The following KMT2E variants were observed in gnomAD, a reference collection of about 807,000 sequenced individuals.
KMT2E encodes the protein lysine methyltransferase 2E (inactive).
Under a neutral mutation model 184.6 loss-of-function variants are expected in KMT2E, and 30 were observed. The observed-to-expected ratio is 0.16, with a 90% CI of 0.12 to 0.22. KMT2E has a LOEUF of 0.22. Among genes scored for constraint, KMT2E ranks in the 10% least tolerant of loss-of-function variants. KMT2E has a pLI of 1.00. For synonymous variants in KMT2E, 815 were observed against 776.5 expected (o/e 1.05, Z -0.82); for missense variants, 2,023 against 2,237.4 (o/e 0.90, Z 1.93).
intron 1 of KMT2E, among the ~76,000 whole-genome samples, chr7:105,016,085 A>G (rs1177391975): frequency 1.3e-5 from 2 of 152,242 alleles, no homozygotes; most frequent in African/African-American, 2.4e-5. Context: ...AGTATCATCT[A>G]TTTTATATGA....
rs181526361 is a variant in KMT2E, at chr7:105,111,692, T to G, written c.4069-133T>G. The G allele has an allele frequency of 3.7e-6, 4 of 1,067,316 alleles. No individual in the cohort carries two copies. The African/African-American group carries it at 4.8e-5, about 13-fold the overall frequency. 66.1% of individuals were successfully genotyped at this position (1,067,316 alleles called of 1,614,324 possible). ...CTTTTAACATCCCAAGCCTCCATAATTGACGTATCCAGGATGTTATTTCCT... is the reference window on the plus strand; with the variant it reads ...CTTTTAACATCCCAAGCCTCCATAAGTGACGTATCCAGGATGTTATTTCCT... On this transcript the variant is annotated intron_variant, in intron 26 of 26. Transcript: ENST00000311117.
intron 6 of KMT2E, among the ~76,000 whole-genome samples, chr7:105,067,086 A>C (rs977347415): frequency 1.4e-4 from 20 of 140,894 alleles, no homozygotes; most frequent in Non-Finnish European, 3.0e-4. Flanking sequence ...AAAAAAAAAG[A>C]AAAAGAAAAA....
chr7:105,064,356 G>A (rs965218855), intron 5 of KMT2E, among the ~76,000 whole-genome samples: 4 of 151,736 alleles, frequency 2.6e-5, no homozygotes, highest in African/African-American at 9.7e-5. Flanking sequence ...CCTGGGTCTG[G>A]TCATTATGGT....
chr7:105,091,101 A>G (rs2129568911), intron 14 of KMT2E, 115 bp from the exon 15 acceptor site: 1 of 512,946 alleles, frequency 1.9e-6, no homozygotes, highest in African/African-American at 1.9e-5. Context: ...AATAATTTAA[A>G]TAGGCTGTGT....
intron 3 of KMT2E, among the ~76,000 whole-genome samples, chr7:105,043,445 C>G (rs1795969386): frequency 6.6e-6 from 1 of 151,670 alleles, no homozygotes; most frequent in Non-Finnish European, 1.5e-5. Context: ...ACCGTTTTAG[C>G]CGGGATGGTC....
At chr7:105,024,083 GATA>G (rs1795074191) in intron 1 of KMT2E, among the ~76,000 whole-genome samples, 1 of 152,126 alleles carries the variant, frequency 6.6e-6, no homozygotes, top group Non-Finnish European at 1.5e-5. Flanking sequence ...GAATTTGGAT[GATA>G]ATTTAATTTC....
At chr7:105,016,081 A>G (rs962830341) in intron 1 of KMT2E, among the ~76,000 whole-genome samples, 1 of 152,248 alleles carries the variant, frequency 6.6e-6, no homozygotes, top group African/African-American at 2.4e-5. Flanking sequence ...TATAAGTATC[A>G]TCTATTTTAT....
At chr7:105,111,608 C>G (rs1323375930) in intron 26 of KMT2E, among the ~76,000 whole-genome samples, 1 of 151,944 alleles carries the variant, frequency 6.6e-6, no homozygotes, top group African/African-American at 2.4e-5. Flanking sequence ...AAAATTAACC[C>G]AGAGAATTCA....
chr7:105,052,052 A>C (rs1375575356), intron 3 of KMT2E, among the ~76,000 whole-genome samples: 1 of 152,202 alleles, frequency 6.6e-6, no homozygotes, highest in Non-Finnish European at 1.5e-5. Context: ...CTTCTGAAGC[A>C]TAAACCAGAT....
At chr7:105,066,375 C>A (rs539889995) in intron 5 of KMT2E, among the ~76,000 whole-genome samples, 25 of 152,174 alleles carry the variant, frequency 1.6e-4, no homozygotes, top group Non-Finnish European at 2.2e-4. Flanking sequence ...ATTTCCCAAA[C>A]GAGGTTCGAG....
Position 105,111,863 on chromosome 7 carries a change from C to T in KMT2E, c.4107C>T (p.His1369=), listed in dbSNP as rs373526032. The change falls in exon 27 of 27, where the codon CAC becomes CAT. Residue 1369 remains histidine, a synonymous_variant. Transcript: ENST00000311117. ...GATCTGTAATTCCTGCTCAAGCACA[C>T]GGGAAAATATTCACAAAACCAGATC... ...SPGSVIPAQA[H]GKIFTKPDPQ... The T allele has an allele frequency of 4.2e-5, 68 of 1,613,592 alleles. No individual in the cohort carries two copies. The highest frequency in any genetic ancestry group is 2.3e-4 in the African/African-American group (17 of 74,844).
intron 3 of KMT2E, among the ~76,000 whole-genome samples, chr7:105,044,638 A>G (rs1013058862): frequency 2.0e-5 from 3 of 152,180 alleles, no homozygotes; most frequent in African/African-American, 7.2e-5. Flanking sequence ...CCTGATTATC[A>G]GTTTGGAGCA....
At chr7:105,048,058 A>G (rs555347585) in intron 3 of KMT2E, among the ~76,000 whole-genome samples, 2 of 152,230 alleles carry the variant, frequency 1.3e-5, no homozygotes, top group South Asian at 2.1e-4. Context: ...TAGGGACTCA[A>G]AAAAGGACCT....
chr7:105,095,993 G>A (rs1429684249), intron 15 of KMT2E, among the ~76,000 whole-genome samples: 3 of 152,076 alleles, frequency 2.0e-5, no homozygotes, highest in Admixed American at 1.3e-4. Flanking sequence ...GGTGGCTCAC[G>A]CCTGCAACCC....
At chr7:105,096,831 A>G (rs1798431291) in intron 15 of KMT2E, among the ~76,000 whole-genome samples, 1 of 152,210 alleles carries the variant, frequency 6.6e-6, no homozygotes, top group Admixed American at 6.5e-5. Context: ...AGGATTCCCC[A>G]CAATTTTCTC....
chr7:105,091,422 A>ATG (rs1380303824), intron 15 of KMT2E, 108 bp downstream of exon 15: 1 of 725,674 alleles, frequency 1.4e-6, no homozygotes, highest in East Asian at 2.6e-5. Context: ...TTAGCGAATG[A>ATG]TGTGCCATTG....
Position 105,114,691 on chromosome 7 carries a change from G to C in KMT2E, c.*1358G>C, listed in dbSNP as rs1004329507. On this transcript the variant is annotated 3_prime_UTR_variant, in exon 27 of 27. Coordinates refer to ENST00000311117, the MANE Select transcript of KMT2E (RefSeq NM_182931.3). Reference sequence around the variant, plus strand: ...ATTTGGCACAGGATACAAATTCTGTGCATCAGAGAAAGTAAACACTAAAAT... The same window carrying C: ...ATTTGGCACAGGATACAAATTCTGTCCATCAGAGAAAGTAAACACTAAAAT... Among the ~76,000 whole-genome samples, 1 of 152,106 alleles carries C rather than the reference G, an allele frequency of 6.6e-6. No individual in the cohort carries two copies. The highest frequency in any genetic ancestry group is 1.5e-5 in the Non-Finnish European group (1 of 68,030).
intron 4 of KMT2E, among the ~76,000 whole-genome samples, 194 bp from the exon 5 acceptor site, chr7:105,063,156 AG>A (rs1375526291): frequency 6.6e-6 from 1 of 152,076 alleles, no homozygotes; most frequent in African/African-American, 2.4e-5. Flanking sequence ...CTTTGTAGAT[AG>A]ATATATTCAC....
In KMT2E at chr7:105,107,240, A is replaced by AAT; in HGVS notation, c.2904+19_2904+20insTA. ...GTCAAGAGGTAAGAAGTTAACTTAA[A>AAT]AAGGGTGAATTGGTAGTTTTTTTCC... is the stretch of plus-strand genomic sequence containing the variant. On this transcript the variant is annotated intron_variant, in intron 21 of 26. Coordinates refer to ENST00000311117, the MANE Select transcript of KMT2E (RefSeq NM_182931.3). 4 of 1,543,720 alleles carry AAT rather than the reference A, an allele frequency of 2.6e-6. No individual in the cohort carries two copies. The highest frequency in any genetic ancestry group is 3.5e-6 in the Non-Finnish European group (4 of 1,139,466).
Sources: gnomAD v4.1 joint callset for allele counts (sites outside exome capture counted in the v4.1 genomes callset) on GRCh38, gnomAD v4.1.1 for gene constraint, MANE v1.5 for transcripts, NCBI Gene and HGNC (gene_info 2026-07-23, HGNC 2026-07-21) for gene names.